Variants in SMARCAD1 observed in about 807,000 individuals in gnomAD.
SMARCAD1 encodes SNF2 related chromatin remodeling ATPase with DExD box 1, also known as SWI/SNF-related matrix-associated actin-dependent regulator of chromatin subfamily A containing DEAD/H box 1.
SMARCAD1 carries 25 observed loss-of-function variants against 127.1 expected under a neutral mutation model. That is an observed-to-expected ratio of 0.20 (90% CI 0.14 to 0.27). SMARCAD1 has a LOEUF of 0.27. Ranked by LOEUF, SMARCAD1 falls within the 10% of genes least tolerant of loss-of-function variation. SMARCAD1 has a pLI of 1.00. For synonymous variants in SMARCAD1, 400 were observed against 396.9 expected, an observed-to-expected ratio of 1.01 and a Z score of -0.09; for missense variants, 807 against 1,206.0, an observed-to-expected ratio of 0.67 and a Z score of 4.90.
At position 94,208,090 on chromosome 4, in the gene SMARCAD1, G is replaced by A. The variant is rs758384710; in HGVS notation, c.-50+20G>A. On this transcript the variant is annotated intron_variant, in intron 1 of 23. Transcript: ENST00000354268. ...GCTTGGGTAAGAGGAGGTTGCATGA[G>A]GGTCAGCTCGTGGTTTCAGTAAGGA... The A allele has an allele frequency of 1.7e-5, 9 of 530,164 alleles. No homozygotes were observed. The highest frequency in any genetic ancestry group is 1.2e-4 in the South Asian group (8 of 65,184). 32.8% of individuals were successfully genotyped at this position (530,164 alleles called of 1,614,324 possible). A position where few individuals can be genotyped will look rare whatever the true frequency, so the allele number is the denominator to read the frequency against.
Position 94,290,173 on chromosome 4 carries a change from C to CAGTG in SMARCAD1, c.*641_*644dup. On this transcript the variant is annotated 3_prime_UTR_variant, in exon 24 of 24. Transcript: ENST00000354268. ...TTTGGCTAGGCACTAAGTTGTTTTC[C>CAGTG]AGTGAATAGTAACTAAAGAAGCCCC... is the stretch of plus-strand genomic sequence containing the variant. The CAGTG allele has an allele frequency of 2.2e-6, 1 of 454,458 alleles. No homozygotes were observed. The highest frequency in any genetic ancestry group is 4.4e-6 in the Non-Finnish European group (1 of 226,744). 28.2% of individuals were successfully genotyped at this position (454,458 alleles called of 1,614,324 possible). A position where few individuals can be genotyped will look rare whatever the true frequency, so the allele number is the denominator to read the frequency against.
At chr4:94,222,633 C>A (rs1744320780) in intron 2 of SMARCAD1, among the ~76,000 whole-genome samples, 2 of 151,960 alleles carry the variant, frequency 1.3e-5, no homozygotes, top group African/African-American at 4.8e-5. Context: ...TTTCTGTATT[C>A]TTCTGTTCTG....
chr4:94,281,627 CATTTATT>C (rs771917062), intron 21 of SMARCAD1, 37 bp downstream of exon 21: 49 of 1,251,302 alleles, frequency 3.9e-5, no homozygotes, highest in Non-Finnish European at 5.6e-5. Context: ...AAAAATAACT[CATTTATT>C]ATTATTGTTA....
At chr4:94,261,685 C>T (rs1751012446) in intron 9 of SMARCAD1, among the ~76,000 whole-genome samples, 1 of 152,222 alleles carries the variant, frequency 6.6e-6, no homozygotes, top group Non-Finnish European at 1.5e-5. Context: ...TCTTGGCTCA[C>T]TGCAACCTCT....
Position 94,253,373 on chromosome 4 carries a change from A to G in SMARCAD1, c.1281+366A>G, listed in dbSNP as rs1749570418. On this transcript the variant is annotated intron_variant, in intron 9 of 23. Coordinates refer to ENST00000354268, the MANE Select transcript of SMARCAD1 (RefSeq NM_020159.5). ...GTTACTGCTGAGACACCATGCAGAA[A>G]GCAAGAATGTGGCAGAAATTTTACT... 5 of 1,284,506 alleles carry G rather than the reference A, an allele frequency of 3.9e-6. No homozygotes were observed. The Admixed American group carries it at 1.3e-4, about 33-fold the overall frequency. 79.6% of individuals were successfully genotyped at this position (1,284,506 alleles called of 1,614,324 possible). A position where few individuals can be genotyped will look rare whatever the true frequency, so the allele number is the denominator to read the frequency against.
intron 21 of SMARCAD1, among the ~76,000 whole-genome samples, chr4:94,282,323 C>G (rs968510107): frequency 2.0e-5 from 3 of 150,732 alleles, no homozygotes; most frequent in South Asian, 2.1e-4. Flanking sequence ...GTCTCGATCT[C>G]CTGACCTCGT....
intron 9 of SMARCAD1, among the ~76,000 whole-genome samples, chr4:94,263,647 T>G (rs1751336710): frequency 6.6e-6 from 1 of 152,074 alleles, no homozygotes; most frequent in Non-Finnish European, 1.5e-5. Flanking sequence ...TTGAGCTTTT[T>G]GCTGAACTTA....
At chr4:94,232,751 A>C (rs1316965982) in intron 3 of SMARCAD1, among the ~76,000 whole-genome samples, 1 of 152,190 alleles carries the variant, frequency 6.6e-6, no homozygotes, top group Admixed American at 6.5e-5. Context: ...CTAGGAGTTC[A>C]AGACAAGCCT....
chr4:94,284,576 GTT>G (rs1553922093), intron 22 of SMARCAD1, among the ~76,000 whole-genome samples: 75,937 of 135,180 alleles, frequency 0.56, 20,776 homozygotes, highest in East Asian at 0.73. Flanking sequence ...TTTGGTTTTT[GTT>G]TTTTTTTTTT....
At chr4:94,265,421 G>A (rs1282476508) in intron 10 of SMARCAD1, among the ~76,000 whole-genome samples, 5 of 151,766 alleles carry the variant, frequency 3.3e-5, no homozygotes, top group Non-Finnish European at 7.4e-5. Flanking sequence ...GCAAGGGAAA[G>A]GACAGATACT....
chr4:94,283,614 A>T (rs1057062738), intron 22 of SMARCAD1, among the ~76,000 whole-genome samples: 2 of 152,292 alleles, frequency 1.3e-5, no homozygotes, highest in East Asian at 3.9e-4. Flanking sequence ...TCATGAGTTC[A>T]GGAGATCGAG....
In SMARCAD1 at chr4:94,263,961, T is replaced by G. The variant is rs146452837; in HGVS notation, c.1282-746T>G. 3.9e-3 allele frequency among the ~76,000 whole-genome samples: 598 copies of G among 152,106 alleles called. 2 individuals carry two copies. Among genetic ancestry groups the G allele is most frequent in the African/African-American group, 0.014 (565 of 41,562 alleles). On this transcript the variant is annotated intron_variant, in intron 9 of 23. Transcript: ENST00000354268. Reference sequence around the variant, plus strand: ...CTAGTTCTGATATAGCTTTTACATATGAAGTATTCAGTGCCTCCTTTTGAA... The same window carrying G: ...CTAGTTCTGATATAGCTTTTACATAGGAAGTATTCAGTGCCTCCTTTTGAA...
chr4:94,281,415 G>A, intron 20 of SMARCAD1, 57 bp from the exon 21 acceptor site: 1 of 1,168,094 alleles, frequency 8.6e-7, no homozygotes, highest in Non-Finnish European at 1.3e-6. Flanking sequence ...AACCTGTCAA[G>A]GCTTTGAGTA....
chr4:94,242,858 G>T (rs1317218510), intron 6 of SMARCAD1, among the ~76,000 whole-genome samples: 1 of 152,174 alleles, frequency 6.6e-6, no homozygotes, highest in African/African-American at 2.4e-5. Flanking sequence ...TGAGGCTTCA[G>T]TGAGCCATAA....
chr4:94,262,949 G>T (rs1751236508), intron 9 of SMARCAD1, among the ~76,000 whole-genome samples: 2 of 146,838 alleles, frequency 1.4e-5, no homozygotes, highest in South Asian at 4.4e-4. Flanking sequence ...AAAAAAAAGT[G>T]TATTTTGAAC....
chr4:94,239,246 A>T (rs1332289250), intron 5 of SMARCAD1, among the ~76,000 whole-genome samples: 3 of 152,206 alleles, frequency 2.0e-5, no homozygotes, highest in Admixed American at 2.0e-4. Context: ...TTATTGAGAC[A>T]GGAAACTATA....
At chr4:94,239,948 T>C (rs944939759) in intron 5 of SMARCAD1, among the ~76,000 whole-genome samples, 10 of 152,216 alleles carry the variant, frequency 6.6e-5, no homozygotes, top group African/African-American at 2.4e-4. Flanking sequence ...AAGGTTTTTT[T>C]CAGACTTAAA....
chr4:94,244,242 G>T (rs1181491308), intron 6 of SMARCAD1, among the ~76,000 whole-genome samples: 1 of 152,204 alleles, frequency 6.6e-6, no homozygotes, highest in Non-Finnish European at 1.5e-5. Context: ...CCCTGCATAA[G>T]TGGCTCCTTT....
intron 8 of SMARCAD1, among the ~76,000 whole-genome samples, chr4:94,251,645 T>C (rs1749284532): frequency 6.6e-6 from 1 of 152,128 alleles, no homozygotes; most frequent in South Asian, 2.1e-4. Context: ...AAAATAAAGG[T>C]ATGATAATCT....
Sources: allele counts gnomAD v4.1 joint callset (sites outside exome capture counted in the v4.1 genomes callset), GRCh38; gene constraint gnomAD v4.1.1; transcripts MANE v1.5; gene names NCBI Gene and HGNC (gene_info 2026-07-23, HGNC 2026-07-21).